LOXHD1: variants seen among roughly 807,000 people sequenced by gnomAD.
LOXHD1 encodes the protein lipoxygenase homology domain-containing protein 1.
Under a neutral mutation model 248.2 loss-of-function variants are expected in LOXHD1, and 205 were observed. That is an observed-to-expected ratio of 0.83 (90% confidence interval 0.74 to 0.93). The LOEUF (loss-of-function observed/expected upper bound fraction) is 0.93. Among genes scored for constraint, LOXHD1 ranks in the 40% least tolerant of loss-of-function variants. The probability of loss-of-function intolerance (pLI) is 0.00; values close to 1 mark genes in which losing one functional copy is unlikely to be tolerated. For synonymous variants in LOXHD1, 1,113 were observed against 1,162.8 expected, an observed-to-expected ratio of 0.96 and a Z score of 0.87; for missense variants, 2,930 against 2,971.6, an observed-to-expected ratio of 0.99 and a Z score of 0.33.
rs1343048256 is a variant in LOXHD1, at chr18:46,509,752, C to T, written c.5463G>A (p.Lys1821=). 6.4e-7 allele frequency: 1 copy of T among 1,551,182 alleles called. No individual in the cohort carries two copies. Among genetic ancestry groups the T allele is most frequent in the African/African-American group, 1.4e-5 (1 of 72,956 alleles). The part of the protein sequence containing the change: ...MEILDIAPFT[K]MRIRIDGLGS... ...CCAGGCCATCAATCCGGATCCGCAT[C>T]TTGGTGAATGGAGCAATGTCTAGGA... Residue 1821 remains lysine, a synonymous_variant, in exon 35 of 41, where the codon AAG becomes AAA. Transcript: ENST00000642948.
intron 14 of LOXHD1, among the ~76,000 whole-genome samples, chr18:46,577,368 T>A (rs2037878067): frequency 6.6e-6 from 1 of 152,238 alleles, no homozygotes. Context: ...TTTAAAAGTT[T>A]AATTCAATCT....
chr18:46,557,459 G>C lies in LOXHD1; in HGVS notation c.3247C>G (p.Leu1083Val). 6.4e-7 allele frequency: 1 copy of C among 1,552,028 alleles called. No homozygotes were observed. The highest frequency in any genetic ancestry group is 8.7e-7 in the Non-Finnish European group (1 of 1,147,084). The change falls in exon 21 of 41, where the codon CTG (leucine) becomes GTG (valine). Residue 1083 changes from leucine to valine, a missense_variant. Leu to Val is a conservative substitution (Grantham distance 32). Transcript: ENST00000642948. ...ATCCGAATCTTGGTCAGGGCCCCCA[G>C]GTCAATGGCATAGATGGTGAAGGTG... Reference protein sequence around the residue: ...TDTFTIYAIDLGALTKIRIRH... With the variant: ...TDTFTIYAIDVGALTKIRIRH...
chr18:46,649,120 G>A (rs1435871361), intron 2 of LOXHD1, 35 bp downstream of exon 2: 2 of 1,520,640 alleles, frequency 1.3e-6, no homozygotes, highest in South Asian at 1.2e-5. Context: ...AGGACTAATG[G>A]CCCAGGATCC....
intron 14 of LOXHD1, among the ~76,000 whole-genome samples, chr18:46,574,379 G>A (rs1444825113): frequency 1.5e-5 from 1 of 66,872 alleles, no homozygotes; most frequent in African/African-American, 1.1e-4. Flanking sequence ...GAGTGTGTGT[G>A]TGTACACATA....
rs138530758 is a variant in LOXHD1, at chr18:46,577,794, C to A, written c.1883G>T (p.Gly628Val). ...GTCCAGGTACCAGCCGCTGCCGGAG[C>A]CTTTGCCATCGTGTCTGATCCTCAC... is the stretch of plus-strand genomic sequence containing the variant. ...RRVRIRHDGK[G>V]SGSGWYLDRV... Residue 628 changes from glycine (G) to valine (V), a missense_variant, in exon 14 of 41, where the codon GGC becomes GTC. Coordinates refer to ENST00000642948, the MANE Select transcript of LOXHD1 (RefSeq NM_001384474.1). 17 of 1,551,662 alleles carry A rather than the reference C, an allele frequency of 1.1e-5. No individual in the cohort carries two copies. In the East Asian group the frequency reaches 2.4e-4, roughly 22 times the overall value.
At chr18:46,647,626 G>A (rs1286544827) in intron 2 of LOXHD1, among the ~76,000 whole-genome samples, 2 of 152,316 alleles carry the variant, frequency 1.3e-5, no homozygotes, top group African/African-American at 2.4e-5. Context: ...TTCTGCAAGC[G>A]AGTCAAACTG....
At chr18:46,594,172 G>C (rs2038221238) in intron 9 of LOXHD1, among the ~76,000 whole-genome samples, 159 bp downstream of exon 9, 2 of 152,110 alleles carry the variant, frequency 1.3e-5, no homozygotes, top group African/African-American at 4.8e-5. Context: ...GGAGAGTGGA[G>C]CTGCTTGGCG....
chr18:46,551,907 G>A (rs1323249089), intron 21 of LOXHD1, among the ~76,000 whole-genome samples: 3 of 152,312 alleles, frequency 2.0e-5, no homozygotes, highest in South Asian at 2.1e-4. Flanking sequence ...ACTACAACAC[G>A]GATGAAGCTT....
At chr18:46,647,306 G>A (rs1399268096) in intron 2 of LOXHD1, among the ~76,000 whole-genome samples, 1 of 152,196 alleles carries the variant, frequency 6.6e-6, no homozygotes, top group African/African-American at 2.4e-5. Flanking sequence ...AGGCTCAGTG[G>A]AAATCCATGC....
At chr18:46,518,345 A>G in intron 33 of LOXHD1, 89 bp from the exon 34 acceptor site, 1 of 1,452,904 alleles carries the variant, frequency 6.9e-7, no homozygotes, top group Non-Finnish European at 9.3e-7. Context: ...AAAGAGACAC[A>G]CTGTCCAAGT....
At chr18:46,647,813 C>T (rs1162965548) in intron 2 of LOXHD1, among the ~76,000 whole-genome samples, 3 of 152,214 alleles carry the variant, frequency 2.0e-5, no homozygotes, top group African/African-American at 7.2e-5. Context: ...CCTCTGCCAG[C>T]CCTGGAAGTG....
chr18:46,629,825 A>G (rs1164062955), intron 4 of LOXHD1, among the ~76,000 whole-genome samples: 2 of 151,326 alleles, frequency 1.3e-5, no homozygotes, highest in African/African-American at 4.9e-5. Flanking sequence ...AGAAAGAAAG[A>G]AAAAAAGGCA....
Position 46,572,126 on chromosome 18 carries a change from G to T in LOXHD1, c.2007C>A (p.Val669=). The change falls in exon 15 of 41, where the codon GTC becomes GTA. Residue 669 remains valine (V), a synonymous_variant. Coordinates refer to ENST00000642948, the MANE Select transcript of LOXHD1 (RefSeq NM_001384474.1). ...TGCTGTCACTGGGTAGCAACTCTCGGACCAGCTGCCCATCATCCTTATCCT... is the reference window on the plus strand; with the variant it reads ...TGCTGTCACTGGGTAGCAACTCTCGTACCAGCTGCCCATCATCCTTATCCT... ...LDKDKDDGQL[V]RELLPSDSSA... 6.4e-7 allele frequency: 1 copy of T among 1,551,852 alleles called. No homozygotes were observed. The highest frequency in any genetic ancestry group is 1.2e-5 in the South Asian group (1 of 84,040).
At chr18:46,584,333 T>C (rs904063771) in intron 12 of LOXHD1, among the ~76,000 whole-genome samples, 1 of 152,084 alleles carries the variant, frequency 6.6e-6, no homozygotes, top group African/African-American at 2.4e-5. Flanking sequence ...ATAATGACTA[T>C]AGTTAACAAT....
chr18:46,629,786 G>A (rs1233124213), intron 4 of LOXHD1, among the ~76,000 whole-genome samples: 3 of 144,582 alleles, frequency 2.1e-5, no homozygotes, highest in African/African-American at 7.8e-5. Flanking sequence ...CTTTCTCACT[G>A]GGCATTAAAA....
Position 46,524,452 on chromosome 18 carries a change from C to T in LOXHD1, c.4876+14G>A, listed in dbSNP as rs2035725581. ...TGCCTGGCCCCCGTCCAAAGAGCTC[C>T]CTGGTTGGCTTACTTGGGCCCTCTT... On this transcript the variant is annotated intron_variant, in intron 31 of 40. Transcript: ENST00000642948. 7 of 1,545,476 alleles carry T rather than the reference C, an allele frequency of 4.5e-6. 1 individual carries two copies. The South Asian group carries it at 6.0e-5, about 13-fold the overall frequency.
At chr18:46,588,610 G>T (rs892351622) in intron 12 of LOXHD1, among the ~76,000 whole-genome samples, 15 of 152,118 alleles carry the variant, frequency 9.9e-5, no homozygotes, top group Non-Finnish European at 2.1e-4. Context: ...CACTTCATCT[G>T]CAAAATTTGT....
At chr18:46,479,768 A>AAC (rs944847723) in intron 40 of LOXHD1, among the ~76,000 whole-genome samples, 1 of 151,218 alleles carries the variant, frequency 6.6e-6, no homozygotes, top group Non-Finnish European at 1.5e-5. Context: ...TAACAGAAAA[A>AAC]AAAAAAAACA....
chr18:46,574,549 C>G (rs540163328), intron 14 of LOXHD1, among the ~76,000 whole-genome samples: 41 of 151,564 alleles, frequency 2.7e-4, no homozygotes, highest in Middle Eastern at 3.4e-3. Context: ...TTTTCCAAGT[C>G]CCCTGGGTCC....
Sources: allele counts gnomAD v4.1 joint callset (sites outside exome capture counted in the v4.1 genomes callset), GRCh38; gene constraint gnomAD v4.1.1; transcripts MANE v1.5; gene names NCBI Gene and HGNC (gene_info 2026-07-23, HGNC 2026-07-21).